The following HPSE2 variants were observed in gnomAD, a reference collection of about 807,000 sequenced individuals.
HPSE2 encodes heparanase 2 (inactive).
In HPSE2, 38 loss-of-function variants were observed where a neutral mutation model predicts 60.5. The ratio of observed to expected loss-of-function variants is 0.63; its 90% CI spans 0.48 to 0.82. The LOEUF (loss-of-function observed/expected upper bound fraction) is 0.82. Among genes scored for constraint, HPSE2 ranks in the 40% least tolerant of loss-of-function variants. The pLI is 0.00. For synonymous variants in HPSE2, 295 were observed against 293.2 expected, an observed-to-expected ratio of 1.01 and a Z score of -0.06; for missense variants, 713 against 740.4, an observed-to-expected ratio of 0.96 and a Z score of 0.43.
chr10:98,837,791 G>T (rs1026817066), intron 3 of HPSE2, among the ~76,000 whole-genome samples: 2 of 151,804 alleles, frequency 1.3e-5, no homozygotes, highest in Admixed American at 6.6e-5. Context: ...GCAGAATGGC[G>T]TGAACCCAAG....
chr10:98,565,618 C>G (rs1002607874), intron 9 of HPSE2, among the ~76,000 whole-genome samples: 4 of 152,102 alleles, frequency 2.6e-5, no homozygotes, highest in African/African-American at 4.8e-5. Context: ...GTTATTGTAA[C>G]TAACGCTGCA....
chr10:98,483,999 C>T (rs1004516434), intron 10 of HPSE2, among the ~76,000 whole-genome samples: 1 of 152,132 alleles, frequency 6.6e-6, no homozygotes, highest in South Asian at 2.1e-4. Context: ...TCCTCATACC[C>T]CTAAGAACAC....
chr10:98,986,547 T>C (rs1405723777), intron 3 of HPSE2, among the ~76,000 whole-genome samples: 1 of 150,912 alleles, frequency 6.6e-6, no homozygotes, highest in Non-Finnish European at 1.5e-5. Flanking sequence ...GCAGGAAAGA[T>C]CTAAAATTCA....
intron 3 of HPSE2, among the ~76,000 whole-genome samples, chr10:98,771,819 C>T (rs1950247420): frequency 6.6e-6 from 1 of 152,102 alleles, no homozygotes; most frequent in South Asian, 2.1e-4. Flanking sequence ...AAAGTAATAG[C>T]CATGTTGAGC....
intron 9 of HPSE2, among the ~76,000 whole-genome samples, chr10:98,529,537 C>T (rs1428793691): frequency 6.6e-6 from 1 of 152,204 alleles, no homozygotes; most frequent in Non-Finnish European, 1.5e-5. Flanking sequence ...TCTCAAACCT[C>T]ACATGCCCTC....
chr10:98,949,849 A>C (rs1955302771), intron 3 of HPSE2, among the ~76,000 whole-genome samples: 1 of 152,172 alleles, frequency 6.6e-6, no homozygotes, highest in African/African-American at 2.4e-5. Context: ...ACTGAAGAAA[A>C]AAGCAGCTAA....
intron 6 of HPSE2, among the ~76,000 whole-genome samples, chr10:98,674,699 G>A (rs1420682302): frequency 6.6e-6 from 1 of 152,168 alleles, no homozygotes; most frequent in Non-Finnish European, 1.5e-5. Flanking sequence ...CAGATCACCT[G>A]AGGTCAGGAG....
chr10:99,278,606 T>C, the HPSE2 span, among the ~76,000 whole-genome samples: 1 of 152,184 alleles, frequency 6.6e-6, no homozygotes, highest in Non-Finnish European at 1.5e-5. Flanking sequence ...TCAAATAAAA[T>C]GTGGGCTTCT....
chr10:98,624,284 G>GCTT (rs1946149575), intron 7 of HPSE2, among the ~76,000 whole-genome samples: 1 of 152,196 alleles, frequency 6.6e-6, no homozygotes, highest in Admixed American at 6.5e-5. Context: ...CAGTACTTTA[G>GCTT]ATAGCGGTCA....
chr10:98,802,486 A>T, intron 3 of HPSE2, among the ~76,000 whole-genome samples: 1 of 100,812 alleles, frequency 9.9e-6, no homozygotes, highest in African/African-American at 3.9e-5. Flanking sequence ...CCACCCCACA[A>T]CAGTCCCCAG....
intron 3 of HPSE2, among the ~76,000 whole-genome samples, chr10:98,779,748 G>GT (rs1950423192): frequency 6.6e-6 from 1 of 152,048 alleles, no homozygotes; most frequent in Non-Finnish European, 1.5e-5. Context: ...ATGCACTGAG[G>GT]TAAAAGGAAT....
At chr10:98,804,814 G>A (rs1419883319) in intron 3 of HPSE2, among the ~76,000 whole-genome samples, 3 of 152,094 alleles carry the variant, frequency 2.0e-5, no homozygotes, top group Admixed American at 1.3e-4. Flanking sequence ...TCAGTGTATC[G>A]AAGAGATACC....
chr10:99,235,878 C>T (rs1050506016), upstream of HPSE2: 6 of 1,327,764 alleles, frequency 4.5e-6, no homozygotes, highest in African/African-American at 8.7e-5. Flanking sequence ...AAGTGTGTGT[C>T]TGTCCGCCTT....
At chr10:98,920,791 A>G (rs1364579521) in intron 3 of HPSE2, among the ~76,000 whole-genome samples, 1 of 152,246 alleles carries the variant, frequency 6.6e-6, no homozygotes, top group Non-Finnish European at 1.5e-5. Context: ...GTGAATTCTC[A>G]GCTTAAATAA....
intron 10 of HPSE2, among the ~76,000 whole-genome samples, chr10:98,484,342 A>C (rs1020243050): frequency 5.3e-5 from 8 of 151,976 alleles, no homozygotes. Flanking sequence ...CGTTCAGGCA[A>C]TTCTCCTGCC....
chr10:99,172,178 G>T (rs190442041), intron 2 of HPSE2, among the ~76,000 whole-genome samples: 121 of 152,212 alleles, frequency 7.9e-4, no homozygotes, highest in African/African-American at 2.8e-3. Flanking sequence ...TTCAAGCCTT[G>T]CCTCCCTCCT....
intron 1 of HPSE2, 45 bp from the exon 2 acceptor site, chr10:99,232,550 C>A: frequency 1.3e-6 from 2 of 1,546,462 alleles, no homozygotes; most frequent in Non-Finnish European, 1.7e-6. Context: ...CAGGACAGGA[C>A]GAGAGCGCGT....
At chr10:98,954,993 C>T (rs202023036) in intron 3 of HPSE2, among the ~76,000 whole-genome samples, 5 of 127,274 alleles carry the variant, frequency 3.9e-5, no homozygotes, top group African/African-American at 1.4e-4. Context: ...TATATATATA[C>T]ATATTTATTT....
intron 3 of HPSE2, among the ~76,000 whole-genome samples, chr10:98,926,902 C>G (rs900430398): frequency 1.3e-5 from 2 of 152,122 alleles, no homozygotes; most frequent in Non-Finnish European, 2.9e-5. Context: ...TGTTCAGTCT[C>G]TATGTAGTTG....
Sources: allele counts gnomAD v4.1 joint callset (sites outside exome capture counted in the v4.1 genomes callset), GRCh38; gene constraint gnomAD v4.1.1; transcripts MANE v1.5; gene names NCBI Gene and HGNC (gene_info 2026-07-23, HGNC 2026-07-21).